AGMO: variants seen among roughly 807,000 people sequenced by gnomAD.
AGMO encodes alkylglycerol monooxygenase.
AGMO carries 75 observed loss-of-function variants against 60.2 expected under a neutral mutation model. That is an observed-to-expected ratio of 1.25 (90% CI 1.03 to 1.51). AGMO has a LOEUF of 1.51. Ranked by LOEUF, AGMO falls within the 40% of genes most tolerant of loss-of-function variation. The pLI is 0.00. For missense variants in AGMO, 763 were observed against 525.5 expected (o/e 1.45, Z -4.42); for synonymous variants, 261 against 177.1 (o/e 1.47, Z -3.76).
chr7:15,523,797 C>G (rs1346476113), intron 3 of AGMO, among the ~76,000 whole-genome samples: 5 of 151,976 alleles, frequency 3.3e-5, no homozygotes, highest in Non-Finnish European at 7.4e-5. Context: ...GACACACCTG[C>G]TCATTCTGCA....
intron 3 of AGMO, among the ~76,000 whole-genome samples, chr7:15,512,743 C>G (rs1783707130): frequency 6.6e-6 from 1 of 151,920 alleles, no homozygotes; most frequent in African/African-American, 2.4e-5. Flanking sequence ...TTTTTATTTC[C>G]CTATAATTCT....
intron 12 of AGMO, among the ~76,000 whole-genome samples, chr7:15,231,957 G>A (rs1054541583): frequency 6.6e-6 from 1 of 152,118 alleles, no homozygotes; most frequent in Non-Finnish European, 1.5e-5. Context: ...GGTGGGTTAT[G>A]CACAGAAAAC....
At chr7:15,274,808 T>C (rs1345343043) in intron 12 of AGMO, among the ~76,000 whole-genome samples, 2 of 151,982 alleles carry the variant, frequency 1.3e-5, no homozygotes, top group East Asian at 3.9e-4. Context: ...AGGAATTTTT[T>C]CCATTTCCTC....
chr7:15,484,886 A>T (rs1348505191), intron 3 of AGMO, among the ~76,000 whole-genome samples: 1 of 152,144 alleles, frequency 6.6e-6, no homozygotes, highest in Non-Finnish European at 1.5e-5. Flanking sequence ...TAGTTTTATG[A>T]TTTCTGCAAA....
At chr7:15,210,000 C>A (rs576208541) in intron 12 of AGMO, among the ~76,000 whole-genome samples, 13 of 152,054 alleles carry the variant, frequency 8.5e-5, no homozygotes, top group Non-Finnish European at 1.6e-4. Context: ...CAACACCTCA[C>A]ATCTCTTCTA....
At chr7:15,297,574 C>T (rs185677184) in intron 12 of AGMO, among the ~76,000 whole-genome samples, 1 of 151,834 alleles carries the variant, frequency 6.6e-6, no homozygotes, top group South Asian at 2.1e-4. Flanking sequence ...CATTTGGCCA[C>T]GAAGTTGAGA....
intron 12 of AGMO, among the ~76,000 whole-genome samples, chr7:15,270,227 C>CA (rs148399413): frequency 0.022 from 3,385 of 152,146 alleles, 123 homozygotes; most frequent in African/African-American, 0.078. Flanking sequence ...ACATTCCCAC[C>CA]ACCTTGTAAA....
At chr7:15,384,063 A>G (rs997174667) in intron 10 of AGMO, among the ~76,000 whole-genome samples, 9 of 151,944 alleles carry the variant, frequency 5.9e-5, no homozygotes, top group South Asian at 2.1e-4. Context: ...AGCCTCCTGA[A>G]TAGCTGGGAC....
chr7:15,316,834 A>C (rs1485232050), intron 12 of AGMO, among the ~76,000 whole-genome samples: 1 of 152,226 alleles, frequency 6.6e-6, no homozygotes, highest in African/African-American at 2.4e-5. Context: ...TTTAAATAAC[A>C]TACATTTAAA....
At chr7:15,214,165 C>G (rs374966052) in intron 12 of AGMO, among the ~76,000 whole-genome samples, 4 of 151,854 alleles carry the variant, frequency 2.6e-5, no homozygotes. Context: ...TATGAAAAAT[C>G]TGTAAAAACA....
At chr7:15,190,710 G>A in the AGMO span, among the ~76,000 whole-genome samples, 1 of 152,008 alleles carries the variant, frequency 6.6e-6, no homozygotes, top group African/African-American at 2.4e-5. Flanking sequence ...ACAAATTATT[G>A]AGTAGTCCAT....
At chr7:15,200,207 A>C (rs906792755), downstream of AGMO, 1 of 149,458 alleles carries the variant, frequency 6.7e-6, no homozygotes, top group African/African-American at 2.5e-5. Context: ...TTTTTTTTTA[A>C]CTTTTTCCAG....
the AGMO span, among the ~76,000 whole-genome samples, chr7:15,131,653 A>C: frequency 6.6e-6 from 1 of 152,026 alleles, no homozygotes; most frequent in Non-Finnish European, 1.5e-5. Context: ...GTTGGAGGCT[A>C]GTTCATTAAA....
At chr7:15,225,503 A>G (rs992482996) in intron 12 of AGMO, among the ~76,000 whole-genome samples, 2 of 151,988 alleles carry the variant, frequency 1.3e-5, no homozygotes, top group Non-Finnish European at 2.9e-5. Context: ...GTGAAAATTT[A>G]CCATCCTACC....
intron 12 of AGMO, among the ~76,000 whole-genome samples, chr7:15,343,158 A>T (rs751879263): frequency 6.6e-6 from 1 of 152,166 alleles, no homozygotes; most frequent in Non-Finnish European, 1.5e-5. Context: ...GTTCAATTGT[A>T]TATTGGTGTG....
Position 15,390,739 on chromosome 7 carries a change from C to T in AGMO, c.754G>A (p.Ala252Thr). The change falls in exon 8 of 13, where the codon GCA becomes ACA. Residue 252 changes from alanine to threonine, a missense_variant. Transcript: ENST00000342526. ...CCATATACAACTTTTTCATTTTCTG[C>T]TTCAAATGTCCCTGGAAGATAAATA... is the stretch of plus-strand genomic sequence containing the variant. ...IWDKIFGTFE[A>T]ENEKVVYGLT... 1 of 1,609,638 alleles carries T rather than the reference C, an allele frequency of 6.2e-7. No individual in the cohort carries two copies. The highest frequency in any genetic ancestry group is 8.5e-7 in the Non-Finnish European group (1 of 1,176,842).
At chr7:15,375,351 G>C (rs1258854082) in intron 10 of AGMO, among the ~76,000 whole-genome samples, 2 of 145,820 alleles carry the variant, frequency 1.4e-5, no homozygotes, top group Non-Finnish European at 3.0e-5. Context: ...TTAAAAGACT[G>C]TTTCAGAGAC....
chr7:15,545,636 A>T (rs937491339), intron 2 of AGMO, among the ~76,000 whole-genome samples: 1 of 152,142 alleles, frequency 6.6e-6, no homozygotes, highest in Non-Finnish European at 1.5e-5. Flanking sequence ...AACCTAATTA[A>T]AATAAACAAT....
chr7:15,548,017 G>GC (rs1784837295), intron 2 of AGMO, among the ~76,000 whole-genome samples: 1 of 146,606 alleles, frequency 6.8e-6, no homozygotes, highest in Non-Finnish European at 1.6e-5. Flanking sequence ...CCCTGACACC[G>GC]GAGCAGCCTA....
Sources: gnomAD v4.1 joint callset for allele counts (sites outside exome capture counted in the v4.1 genomes callset) on GRCh38, gnomAD v4.1.1 for gene constraint, MANE v1.5 for transcripts, NCBI Gene and HGNC (gene_info 2026-07-23, HGNC 2026-07-21) for gene names.